The following PTPN5 variants were observed in gnomAD, a reference collection of about 807,000 sequenced individuals.
PTPN5 encodes the protein tyrosine-protein phosphatase non-receptor type 5.
Under a neutral mutation model 73.9 loss-of-function variants are expected in PTPN5, and 29 were observed. That is an observed-to-expected ratio of 0.39 (90% CI 0.29 to 0.54). The LOEUF (loss-of-function observed/expected upper bound fraction) is 0.54, where lower values mean the gene tolerates loss of function less well. Among genes scored for constraint, PTPN5 ranks in the 20% least tolerant of loss-of-function variants. The pLI is 0.65. For synonymous variants in PTPN5, 267 were observed against 304.7 expected (o/e 0.88, Z 1.29); for missense variants, 652 against 751.4 (o/e 0.87, Z 1.55).
chr11:18,784,232 C>T lies in PTPN5; in HGVS notation c.-114+7293G>A, dbSNP rs543004171. On this transcript the variant is annotated intron_variant, in intron 1 of 14. Coordinates refer to ENST00000358540, the MANE Select transcript of PTPN5 (RefSeq NM_006906.2). ...ATCCTGGCACACCAATGTTCATAGC[C>T]GTATTATTCACAATAGCCAAAAGGT... is the stretch of plus-strand genomic sequence containing the variant. Among the ~76,000 whole-genome samples, 20 of 152,210 alleles carry T rather than the reference C, an allele frequency of 1.3e-4. No homozygotes were observed. In the South Asian group the frequency reaches 2.7e-3, roughly 21 times the overall value.
rs998910805 is a variant in PTPN5 at position 18,743,485 on chromosome 11, C to T, written c.292-56G>A. 3.3e-6 allele frequency: 5 copies of T among 1,493,562 alleles called. No individual in the cohort carries two copies. The African/African-American group carries it at 4.1e-5, about 12-fold the overall frequency. The allele number at this position is 1,493,562 out of a possible 1,614,324, so 92.5% of individuals were successfully genotyped here. A position where few individuals can be genotyped will look rare whatever the true frequency, so the allele number is the denominator to read the frequency against. Reference sequence around the variant, plus strand: ...AGCCGGCCCCCTTCCCCCGTGTTCCCCCAGCAGAGCTCACCTGCAGCCTCA... The same window carrying T: ...AGCCGGCCCCCTTCCCCCGTGTTCCTCCAGCAGAGCTCACCTGCAGCCTCA... On this transcript the variant is annotated intron_variant, in intron 4 of 14. Transcript: ENST00000358540.
intron 1 of PTPN5, among the ~76,000 whole-genome samples, chr11:18,789,059 C>G (rs1266207488): frequency 6.6e-6 from 1 of 152,068 alleles, no homozygotes; most frequent in African/African-American, 2.4e-5. Flanking sequence ...AGGAATAGGT[C>G]AGGGGGAAAG....
At chr11:18,748,384 G>C (rs1849734565) in intron 3 of PTPN5, among the ~76,000 whole-genome samples, 1 of 152,190 alleles carries the variant, frequency 6.6e-6, no homozygotes, top group South Asian at 2.1e-4. Flanking sequence ...GTGTAGCTCA[G>C]AGAGGGGGAG....
chr11:18,777,801 G>A (rs1031714741), intron 1 of PTPN5, among the ~76,000 whole-genome samples: 2 of 152,110 alleles, frequency 1.3e-5, no homozygotes, highest in East Asian at 1.9e-4. Context: ...ATATGTGAGC[G>A]GAGCATGGTG....
rs144165124 is a variant in PTPN5 at position 18,729,538 on chromosome 11, T to G, written c.1519A>C (p.Ile507Leu). 383 of 1,599,632 alleles carry G rather than the reference T, an allele frequency of 2.4e-4. No homozygotes were observed. Among genetic ancestry groups the G allele is most frequent in the Admixed American group, 3.3e-4 (20 of 59,994 alleles). Residue 507 changes from isoleucine to leucine, a missense_variant, in exon 14 of 15, where the codon ATT becomes CTT. Around this residue, in one of 3 missense-constraint regions of PTPN5, gnomAD observed 102 missense variants for 160.5 expected, o/e 0.64. Coordinates refer to ENST00000358540, the MANE Select transcript of PTPN5 (RefSeq NM_006906.2). The surrounding 1 kb of genome is among the most constrained non-coding windows in gnomAD (Gnocchi z 5.2). ...TGCTGGCAGCAGATGCTGGTGGCAATGAAGCAGCCGGTCCTCCCAATCCCT... is the reference window on the plus strand; with the variant it reads ...TGCTGGCAGCAGATGCTGGTGGCAAGGAAGCAGCCGGTCCTCCCAATCCCT... Reference protein sequence around the residue: ...SAGIGRTGCFIATSICCQQLR... With the variant: ...SAGIGRTGCFLATSICCQQLR...
intron 8 of PTPN5, 88 bp downstream of exon 8, chr11:18,740,515 G>C (rs540105355): frequency 1.6e-6 from 2 of 1,237,498 alleles, no homozygotes; most frequent in Non-Finnish European, 2.1e-6. Context: ...CAGATGCTGA[G>C]TTCCAGGCAC....
intron 3 of PTPN5, among the ~76,000 whole-genome samples, chr11:18,747,695 T>C (rs1438107439): frequency 6.6e-6 from 1 of 152,186 alleles, no homozygotes; most frequent in Non-Finnish European, 1.5e-5. Context: ...TGCTGATGAA[T>C]ATTTGATAAC....
Position 18,729,975 on chromosome 11 carries a change from G to A in PTPN5, c.1330-157C>T, listed in dbSNP as rs1848803120. On this transcript the variant is annotated intron_variant, in intron 12 of 14. Coordinates refer to ENST00000358540, the MANE Select transcript of PTPN5 (RefSeq NM_006906.2). This position sits in a 1 kb window ranked among gnomAD's most constrained non-coding sequence, Gnocchi z 5.2. ...TCCATCTAGGCCACATTGCCCAGTG[G>A]CACCAGACACAGACCCAAAGCCAGC... is the stretch of plus-strand genomic sequence containing the variant. 1.0e-6 allele frequency: 1 copy of A among 976,382 alleles called. No individual in the cohort carries two copies. Among genetic ancestry groups the A allele is most frequent in the Non-Finnish European group, 1.6e-6 (1 of 641,918 alleles). 60.5% of individuals were successfully genotyped at this position (976,382 alleles called of 1,614,324 possible).
intron 3 of PTPN5, among the ~76,000 whole-genome samples, chr11:18,759,224 A>G (rs1850283390): frequency 6.6e-6 from 1 of 152,152 alleles, no homozygotes; most frequent in African/African-American, 2.4e-5. Context: ...AACAACCATC[A>G]CCGTCACTAT....
chr11:18,752,310 C>T (rs1849926441), intron 3 of PTPN5, among the ~76,000 whole-genome samples: 1 of 152,198 alleles, frequency 6.6e-6, no homozygotes, highest in Admixed American at 6.5e-5. Context: ...AGCCTGCTGC[C>T]TGGCACATGG....
intron 3 of PTPN5, among the ~76,000 whole-genome samples, chr11:18,762,031 G>T (rs574987057): frequency 4.6e-5 from 7 of 152,352 alleles, no homozygotes; most frequent in South Asian, 4.1e-4. Flanking sequence ...GAGCACATGT[G>T]GGGGGTGTCC....
At chr11:18,770,520 ACG>A (rs1850835739) in intron 2 of PTPN5, among the ~76,000 whole-genome samples, 1 of 152,188 alleles carries the variant, frequency 6.6e-6, no homozygotes, top group African/African-American at 2.4e-5. Flanking sequence ...TGTAGGACAG[ACG>A]ATGTTTTATT....
rs766325750 is a variant in PTPN5, at chr11:18,733,367, A to T, written c.1086T>A (p.Tyr362Ter). 6.2e-7 allele frequency: 1 copy of T among 1,613,510 alleles called. No individual in the cohort carries two copies. Among genetic ancestry groups the T allele is most frequent in the South Asian group, 1.1e-5 (1 of 91,076 alleles). The change falls in exon 11 of 15, where the codon TAT becomes TAA. Residue 362 changes from tyrosine to a stop codon, truncating the protein, a stop_gained. Coordinates refer to ENST00000358540, the MANE Select transcript of PTPN5 (RefSeq NM_006906.2). LOFTEE classifies it high-confidence loss of function. This position sits in a 1 kb window ranked among gnomAD's most constrained non-coding sequence, Gnocchi z 4.3. ...SYINANYIRGYGGEEKVYIAT... is the reference protein window; with the variant it reads ...SYINANYIRG ...CGATGTACACCTTCTCCTCCCCACC[A>T]TAGCCCTGCGGCCAGCCAAGTCCAG...
intron 2 of PTPN5, among the ~76,000 whole-genome samples, chr11:18,766,390 G>GA (rs1372610939): frequency 6.6e-6 from 1 of 152,284 alleles, no homozygotes; most frequent in Non-Finnish European, 1.5e-5. Context: ...ACCATGGGTG[G>GA]ACAAGAAGAG....
Position 18,742,913 on chromosome 11 carries a change from T to G in PTPN5, c.483+79A>C, listed in dbSNP as rs985329497. 58 of 976,212 alleles carry G rather than the reference T, an allele frequency of 5.9e-5. No homozygotes were observed. The highest frequency in any genetic ancestry group is 8.6e-5 in the Non-Finnish European group (54 of 626,506). The allele number at this position is 976,212 out of a possible 1,614,324, so 60.5% of individuals were successfully genotyped here. ...CCACCCAGAATGTCCAGCCTATAAG[T>G]CAGATGGGAGCTGGTAGAAATCCAG... On this transcript the variant is annotated intron_variant, in intron 6 of 14. Transcript: ENST00000358540. This position sits in a 1 kb window ranked among gnomAD's most constrained non-coding sequence, Gnocchi z 4.1.
intron 3 of PTPN5, among the ~76,000 whole-genome samples, chr11:18,744,971 A>G (rs1327224917): frequency 6.6e-6 from 1 of 152,206 alleles, no homozygotes; most frequent in African/African-American, 2.4e-5. Flanking sequence ...CTGCCCCTCA[A>G]GGGCAGAAGC....
In PTPN5 at chr11:18,737,953, C is replaced by T; in HGVS notation, c.927G>A (p.Met309Ile). ...CGTACTCTTTCGGATCCACAAAGTT[C>T]ATGGGGATTTCCTGTGGAAGGAGGA... ...LLQAEFFEIP[M>I]NFVDPKEYDI... The change falls in exon 9 of 15, where the codon ATG becomes ATA. Residue 309 changes from methionine to isoleucine, a missense_variant. By Grantham distance (10) the Met-to-Ile change is conservative. Coordinates refer to ENST00000358540, the MANE Select transcript of PTPN5 (RefSeq NM_006906.2). The T allele has an allele frequency of 1.2e-6, 2 of 1,614,146 alleles. No individual in the cohort carries two copies. Among genetic ancestry groups the T allele is most frequent in the Non-Finnish European group, 1.7e-6 (2 of 1,179,970 alleles).
rs140563107 is a variant in PTPN5 at position 18,773,608 on chromosome 11, A to G, written c.-113-1537T>C. Among the ~76,000 whole-genome samples, 171 of 152,294 alleles carry G rather than the reference A, an allele frequency of 1.1e-3. 1 individual carries two copies. The highest frequency in any genetic ancestry group is 2.1e-3 in the Non-Finnish European group (144 of 68,020). ...GGGGTCACAGCAGTGGGTCAGAGTC[A>G]TTCCAGTGATGGCTGGGATTGAATT... On this transcript the variant is annotated intron_variant, in intron 1 of 14. Transcript: ENST00000358540.
intron 3 of PTPN5, among the ~76,000 whole-genome samples, chr11:18,765,521 C>G (rs1254628430): frequency 6.6e-6 from 1 of 152,164 alleles, no homozygotes; most frequent in African/African-American, 2.4e-5. Context: ...TCCCTAGGAG[C>G]CCTGTACTCC....
Sources: gnomAD v4.1 joint callset for allele counts (sites outside exome capture counted in the v4.1 genomes callset) on GRCh38, gnomAD v4.1.1 for gene constraint, gnomAD v4.1.1 regional missense constraint, Gnocchi (gnomAD v3.1) non-coding constraint, MANE v1.5 for transcripts, NCBI Gene and HGNC (gene_info 2026-07-23, HGNC 2026-07-21) for gene names.